Variants in FOXN3 observed in about 807,000 individuals in gnomAD.
FOXN3 encodes the protein forkhead box N3, also known as forkhead box protein N3.
FOXN3 carries 7 observed loss-of-function variants against 38.4 expected under a neutral mutation model. The observed-to-expected ratio is 0.18, with a 90% CI of 0.10 to 0.34. The LOEUF is 0.34. Ranked by LOEUF, FOXN3 falls within the 10% of genes least tolerant of loss-of-function variation. The pLI is 1.00. For missense variants in FOXN3, 456 were observed against 613.4 expected, an observed-to-expected ratio of 0.74 and a Z score of 2.71; for synonymous variants, 230 against 242.2, an observed-to-expected ratio of 0.95 and a Z score of 0.47.
chr14:89,353,874 C>T (rs1471238802), intron 2 of FOXN3: 2 of 150,522 alleles, frequency 1.3e-5, no homozygotes, highest in Non-Finnish European at 3.0e-5. Context: ...GTATTACAGG[C>T]GTGCATCACC....
chr14:89,307,008 G>T (rs1244446559), intron 3 of FOXN3, among the ~76,000 whole-genome samples: 1 of 152,178 alleles, frequency 6.6e-6, no homozygotes, highest in East Asian at 1.9e-4. Flanking sequence ...GCCTGAAGTG[G>T]AAGACAGAGT....
chr14:89,166,517 G>C (rs1466196873), intron 5 of FOXN3, among the ~76,000 whole-genome samples: 1 of 152,164 alleles, frequency 6.6e-6, no homozygotes, highest in Non-Finnish European at 1.5e-5. Flanking sequence ...GTTGTTGAGT[G>C]GGGTGGCCCG....
intron 1 of FOXN3, among the ~76,000 whole-genome samples, chr14:89,567,585 T>A (rs1473760242): frequency 6.6e-6 from 1 of 151,890 alleles, no homozygotes; most frequent in East Asian, 1.9e-4. Context: ...AAGGGAAGAC[T>A]GTACTAGGTA....
At chr14:89,575,363 T>A (rs886331165) in intron 1 of FOXN3, among the ~76,000 whole-genome samples, 1 of 151,644 alleles carries the variant, frequency 6.6e-6, no homozygotes, top group Non-Finnish European at 1.5e-5. Context: ...AATTGGGAGG[T>A]CGTTTTGGGT....
chr14:89,481,777 C>G (rs1007157098), intron 1 of FOXN3, among the ~76,000 whole-genome samples: 7 of 152,182 alleles, frequency 4.6e-5, no homozygotes, highest in Non-Finnish European at 1.5e-5. Flanking sequence ...AGAAGAGTGT[C>G]TGACTCTTAG....
intron 1 of FOXN3, among the ~76,000 whole-genome samples, chr14:89,553,878 A>G (rs1895059515): frequency 6.6e-6 from 1 of 152,222 alleles, no homozygotes; most frequent in South Asian, 2.1e-4. Context: ...CCAGAGCCTA[A>G]ATAGTAAAAG....
At chr14:89,546,185 C>T (rs1488223849) in intron 1 of FOXN3, among the ~76,000 whole-genome samples, 1 of 152,042 alleles carries the variant, frequency 6.6e-6, no homozygotes, top group Non-Finnish European at 1.5e-5. Flanking sequence ...AACAGCTTTA[C>T]CCTTTGTATG....
In FOXN3 at chr14:89,472,456, C is replaced by T. The variant is rs572047680; in HGVS notation, c.-14-59966G>A. On this transcript the variant is annotated intron_variant, in intron 1 of 6. Transcript: ENST00000345097. ...ATTGTGCAGGCCGGGCGCGGTGGCT[C>T]ACGCCTGTAATCCCAGCACTTTGGG... Among the ~76,000 whole-genome samples, 4 of 152,054 alleles carry T rather than the reference C, an allele frequency of 2.6e-5. No homozygotes were observed. In the East Asian group the frequency reaches 7.8e-4, roughly 30 times the overall value.
At chr14:89,388,686 G>A (rs1890856243) in intron 2 of FOXN3, among the ~76,000 whole-genome samples, 1 of 151,958 alleles carries the variant, frequency 6.6e-6, no homozygotes, top group Non-Finnish European at 1.5e-5. Flanking sequence ...GCTCAGAGAA[G>A]ACCTCTCTGA....
chr14:89,454,705 ATAGAAGTGCTTATCATAGCAGG>A (rs1449067166), intron 1 of FOXN3, among the ~76,000 whole-genome samples: 1 of 152,252 alleles, frequency 6.6e-6, no homozygotes, highest in Non-Finnish European at 1.5e-5. Context: ...TGAGTTGCTG[ATAGAAGTGCTTATCATAGCAGG>A]TTTAAAGTCT....
At chr14:89,554,265 G>A (rs1184396683) in intron 1 of FOXN3, among the ~76,000 whole-genome samples, 2 of 152,074 alleles carry the variant, frequency 1.3e-5, no homozygotes, top group Non-Finnish European at 2.9e-5. Context: ...CTCCTAAAGT[G>A]CTGGGATTAT....
Position 89,186,458 on chromosome 14 carries a change from C to T in FOXN3, c.746-5652G>A, listed in dbSNP as rs567820121. Among the ~76,000 whole-genome samples the T allele has an allele frequency of 7.2e-5, 11 of 152,006 alleles. No individual in the cohort carries two copies. In the East Asian group the frequency reaches 7.7e-4, roughly 11 times the overall value. On this transcript the variant is annotated intron_variant, in intron 4 of 5. Transcript: ENST00000557258. Reference sequence around the variant, plus strand: ...CTCCATTGGGGTTAAAGCTGACTCACGGGGCTTGTCAAACGGGAACTGCAA... The same window carrying T: ...CTCCATTGGGGTTAAAGCTGACTCATGGGGCTTGTCAAACGGGAACTGCAA...
intron 3 of FOXN3, among the ~76,000 whole-genome samples, chr14:89,324,221 A>C (rs189300811): frequency 6.6e-6 from 1 of 152,310 alleles, no homozygotes; most frequent in East Asian, 1.9e-4. Context: ...GCATCAAAGA[A>C]ATCTGCAAAG....
In FOXN3 at chr14:89,313,489, A is replaced by C. The variant is rs112848826; in HGVS notation, c.681-32475T>G. Among the ~76,000 whole-genome samples, 581 of 151,930 alleles carry C rather than the reference A, an allele frequency of 3.8e-3. 7 individuals are homozygous for C. The highest frequency in any genetic ancestry group is 0.014 in the African/African-American group (561 of 41,458). On this transcript the variant is annotated intron_variant, in intron 3 of 5. Coordinates refer to ENST00000557258, the MANE Select transcript of FOXN3 (RefSeq NM_005197.4). ...AGGGGAATCGCTTGAACCTGGGAGGAGAAGGTTGCAGTGAGCCGAGATCAT... is the reference window on the plus strand; with the variant it reads ...AGGGGAATCGCTTGAACCTGGGAGGCGAAGGTTGCAGTGAGCCGAGATCAT...
At chr14:89,512,016 A>G (rs1894104087) in intron 1 of FOXN3, among the ~76,000 whole-genome samples, 1 of 152,222 alleles carries the variant, frequency 6.6e-6, no homozygotes, top group Non-Finnish European at 1.5e-5. Flanking sequence ...ACTACAATTC[A>G]AGATGAGATT....
At chr14:89,546,776 T>C (rs2139856757) in intron 1 of FOXN3, among the ~76,000 whole-genome samples, 1 of 152,118 alleles carries the variant, frequency 6.6e-6, no homozygotes, top group African/African-American at 2.4e-5. Flanking sequence ...CATACACACA[T>C]ATACATAGGC....
intron 4 of FOXN3, among the ~76,000 whole-genome samples, chr14:89,217,880 C>T (rs1463631829): frequency 4.6e-5 from 7 of 152,210 alleles, no homozygotes; most frequent in African/African-American, 1.7e-4. Context: ...GCCTGGCTCG[C>T]TATGCTGGTG....
chr14:89,584,379 C>T (rs777350028), intron 1 of FOXN3, among the ~76,000 whole-genome samples: 2 of 151,936 alleles, frequency 1.3e-5, no homozygotes, highest in Non-Finnish European at 2.9e-5. Context: ...CCAGCCTGGG[C>T]GACCCAGGGA....
intron 4 of FOXN3, among the ~76,000 whole-genome samples, chr14:89,254,002 A>AT (rs997485963): frequency 6.6e-6 from 1 of 151,980 alleles, no homozygotes; most frequent in Non-Finnish European, 1.5e-5. Flanking sequence ...TGTAACTGTT[A>AT]TTTTTTTAAT....
Sources: gnomAD v4.1 joint callset for allele counts (sites outside exome capture counted in the v4.1 genomes callset) on GRCh38, gnomAD v4.1.1 for gene constraint, MANE v1.5 for transcripts, NCBI Gene and HGNC (gene_info 2026-07-23, HGNC 2026-07-21) for gene names.